LEPR: variants seen among roughly 807,000 people sequenced by gnomAD.
LEPR encodes the protein OB receptor.
Under a neutral mutation model 114.7 loss-of-function variants are expected in LEPR, and 56 were observed. The observed-to-expected ratio is 0.49, with a 90% confidence interval of 0.39 to 0.61. The LOEUF is 0.61. Among genes scored for constraint, LEPR ranks in the 20% least tolerant of loss-of-function variants. The probability of loss-of-function intolerance (pLI) is 0.00; values close to 1 mark genes in which losing one functional copy is unlikely to be tolerated. For synonymous variants in LEPR, 443 were observed against 461.4 expected (o/e 0.96, Z 0.51); for missense variants, 1,202 against 1,352.9 (o/e 0.89, Z 1.75).
In LEPR at chr1:65,621,616, G is replaced by A. The variant is rs951633489; in HGVS notation, c.2597+158G>A. 3.9e-5 allele frequency among the ~76,000 whole-genome samples: 6 copies of A among 152,268 alleles called. No individual in the cohort carries two copies. The South Asian group carries it at 1.0e-3, about 26-fold the overall frequency. ...ATAGCATAAAAAGGAAAGGCCTGTTGTGAGGAAATGGCATTCCATTTTGCT... is the reference window on the plus strand; with the variant it reads ...ATAGCATAAAAAGGAAAGGCCTGTTATGAGGAAATGGCATTCCATTTTGCT... On this transcript the variant is annotated intron_variant, in intron 18 of 19. Coordinates refer to ENST00000349533, the MANE Select transcript of LEPR (RefSeq NM_002303.6).
At chr1:65,587,915 A>T (rs1010250883) in intron 5 of LEPR, among the ~76,000 whole-genome samples, 1 of 152,012 alleles carries the variant, frequency 6.6e-6, no homozygotes, top group African/African-American at 2.4e-5. Context: ...ACACTTTTCC[A>T]TACTGATTTT....
intron 5 of LEPR, among the ~76,000 whole-genome samples, chr1:65,585,627 G>T (rs575903762): frequency 1.2e-3 from 178 of 152,050 alleles, no homozygotes; most frequent in Middle Eastern, 3.4e-3. Context: ...ACATGTAGAG[G>T]TATTAAATAA....
chr1:65,550,894 C>G (rs902235640), intron 2 of LEPR, among the ~76,000 whole-genome samples: 1 of 152,048 alleles, frequency 6.6e-6, no homozygotes, highest in African/African-American at 2.4e-5. Context: ...ATGCAGAAAT[C>G]ACCCGTCTTC....
intron 2 of LEPR, among the ~76,000 whole-genome samples, chr1:65,523,433 C>T (rs1303146079): frequency 6.6e-6 from 1 of 152,026 alleles, no homozygotes; most frequent in Non-Finnish European, 1.5e-5. Flanking sequence ...GCCTCAGGCC[C>T]CCAAGTAGCT....
intron 5 of LEPR, among the ~76,000 whole-genome samples, chr1:65,583,535 G>A (rs1231300603): frequency 1.3e-5 from 2 of 152,102 alleles, no homozygotes; most frequent in African/African-American, 4.8e-5. Context: ...ATTAGCCTTA[G>A]AGTCAAGGCT....
rs1168224596 is a variant in LEPR at position 65,633,157 on chromosome 1, G to A, written c.2674-3034G>A. On this transcript the variant is annotated intron_variant, in intron 19 of 19. Transcript: ENST00000349533. This position sits in a 1 kb window ranked among gnomAD's most constrained non-coding sequence, Gnocchi z 4.1. ...GTTTTATTTTATCTAAACAGAGAAC[G>A]GACATTCTTTGAAGTCTAATCATGA... is the stretch of plus-strand genomic sequence containing the variant. 6 of 1,591,674 alleles carry A rather than the reference G, an allele frequency of 3.8e-6. No homozygotes were observed. Among genetic ancestry groups the A allele is most frequent in the South Asian group, 1.1e-5 (1 of 90,564 alleles).
chr1:65,519,840 CA>C (rs202041320), intron 2 of LEPR, among the ~76,000 whole-genome samples: 2 of 149,808 alleles, frequency 1.3e-5, no homozygotes, highest in African/African-American at 4.9e-5. Flanking sequence ...GGCTAATTTA[CA>C]AAAAAAAATG....
In LEPR at chr1:65,444,022, A is replaced by G. The variant is rs1188238686; in HGVS notation, c.-21+18644A>G. 6.5e-5 allele frequency among the ~76,000 whole-genome samples: 2 copies of G among 30,670 alleles called. 1 individual carries two copies. The highest frequency in any genetic ancestry group is 2.0e-4 in the African/African-American group (2 of 10,042). 20.1% of individuals were successfully genotyped at this position (30,670 alleles called of 152,430 possible). A position where few individuals can be genotyped will look rare whatever the true frequency, so the allele number is the denominator to read the frequency against. On this transcript the variant is annotated intron_variant, in intron 2 of 19. Transcript: ENST00000349533. ...TGCACATTGTGCAGGTTAGTTACAT[A>G]TGTATACATGTGCCATGCTGGTGCG...
At chr1:65,619,124 T>A (rs1433147309) in intron 16 of LEPR, among the ~76,000 whole-genome samples, 1 of 152,188 alleles carries the variant, frequency 6.6e-6, no homozygotes, top group Non-Finnish European at 1.5e-5. Context: ...TTATACAATA[T>A]CATTCTAAGG....
intron 2 of LEPR, among the ~76,000 whole-genome samples, chr1:65,431,185 C>A (rs6660481): frequency 0.095 from 14,509 of 152,020 alleles, 782 homozygotes; most frequent in African/African-American, 0.12. Flanking sequence ...CCTTCTTAAG[C>A]GCTGCAGTAA....
chr1:65,437,485 T>C (rs1263760753), intron 2 of LEPR, among the ~76,000 whole-genome samples: 1 of 151,768 alleles, frequency 6.6e-6, no homozygotes, highest in African/African-American at 2.4e-5. Flanking sequence ...GGATGAATCT[T>C]GAAGACAATA....
intron 2 of LEPR, among the ~76,000 whole-genome samples, chr1:65,538,117 T>G (rs1298699733): frequency 6.6e-6 from 1 of 152,176 alleles, no homozygotes; most frequent in Non-Finnish European, 1.5e-5. Flanking sequence ...GGTTTCATCC[T>G]TAATAATTTT....
At chr1:65,455,575 C>G (rs1646858649) in intron 2 of LEPR, among the ~76,000 whole-genome samples, 1 of 152,148 alleles carries the variant, frequency 6.6e-6, no homozygotes, top group African/African-American at 2.4e-5. Flanking sequence ...CTGGGGGGTG[C>G]CTCCCAGTTA....
Position 65,605,215 on chromosome 1 carries a change from A to G in LEPR, c.1581A>G (p.Thr527=). 6.2e-7 allele frequency: 1 copy of G among 1,614,032 alleles called. No homozygotes were observed. The highest frequency in any genetic ancestry group is 2.2e-5 in the East Asian group (1 of 44,846). Residue 527 remains threonine, a synonymous_variant, in exon 11 of 20, where the codon ACA becomes ACG. Coordinates refer to ENST00000349533, the MANE Select transcript of LEPR (RefSeq NM_002303.6). The part of the protein sequence containing the change: ...HSLGSLDSPP[T]CVLPDSVVKP... ...TAGGTTCACTTGACTCTCCACCAAC[A>G]TGTGTCCTTCCTGATTCTGTGGGTA... is the stretch of plus-strand genomic sequence containing the variant.
chr1:65,615,941 A>T (rs1657498543), intron 14 of LEPR, 67 bp from the exon 15 acceptor site: 1 of 1,591,678 alleles, frequency 6.3e-7, no homozygotes, highest in Admixed American at 1.7e-5. Flanking sequence ...AATGAGAGTT[A>T]TGTGAGCTCA....
At chr1:65,432,166 C>A in intron 2 of LEPR, 1 of 1,144,148 alleles carries the variant, frequency 8.7e-7, no homozygotes, top group Non-Finnish European at 1.1e-6. Context: ...AGTCACGGTG[C>A]TCTCAGAAAA....
chr1:65,620,443 A>G (rs1657805611), intron 17 of LEPR, among the ~76,000 whole-genome samples: 1 of 152,246 alleles, frequency 6.6e-6, no homozygotes, highest in East Asian at 1.9e-4. Context: ...TGTGGATTGA[A>G]TAGTGAACAT....
chr1:65,521,058 A>C (rs1649609950), intron 2 of LEPR, among the ~76,000 whole-genome samples: 1 of 152,232 alleles, frequency 6.6e-6, no homozygotes, highest in South Asian at 2.1e-4. Flanking sequence ...GTTTATGGCC[A>C]GATTTGGGGG....
At chr1:65,584,531 C>T (rs1204365631) in intron 5 of LEPR, among the ~76,000 whole-genome samples, 1 of 152,084 alleles carries the variant, frequency 6.6e-6, no homozygotes, top group Non-Finnish European at 1.5e-5. Context: ...ACTTTCTTCT[C>T]CAGCAGTGAG....
Sources: gnomAD v4.1 joint callset for allele counts (sites outside exome capture counted in the v4.1 genomes callset) on GRCh38, gnomAD v4.1.1 for gene constraint, Gnocchi (gnomAD v3.1) non-coding constraint, MANE v1.5 for transcripts, NCBI Gene and HGNC (gene_info 2026-07-23, HGNC 2026-07-21) for gene names.